The following MICU2 variants were observed in gnomAD, a reference collection of about 807,000 sequenced individuals.
MICU2 encodes the protein calcium uptake protein 2, mitochondrial.
MICU2 carries 64 observed loss-of-function variants against 60.4 expected under a neutral mutation model. The ratio of observed to expected loss-of-function variants is 1.06; its 90% CI spans 0.87 to 1.31. The LOEUF is 1.31. Among genes scored for constraint, MICU2 ranks in the 50% most tolerant of loss-of-function variants. The pLI, the probability that MICU2 is intolerant of heterozygous loss-of-function variation, is 0.00. For synonymous variants in MICU2, 201 were observed against 175.0 expected, an observed-to-expected ratio of 1.15 and a Z score of -1.17; for missense variants, 569 against 531.0, an observed-to-expected ratio of 1.07 and a Z score of -0.70.
intron 4 of MICU2, among the ~76,000 whole-genome samples, chr13:21,537,249 C>T (rs193279429): frequency 6.6e-6 from 1 of 152,300 alleles, no homozygotes; most frequent in Non-Finnish European, 1.5e-5. Context: ...GTGACTTCCT[C>T]CATTCTTCTG....
At chr13:21,535,221 T>C (rs1415004971) in intron 4 of MICU2, among the ~76,000 whole-genome samples, 3 of 152,336 alleles carry the variant, frequency 2.0e-5, no homozygotes, top group East Asian at 3.8e-4. Context: ...ATTATATTTA[T>C]GTAGAGTTTT....
chr13:21,540,962 AT>A, intron 2 of MICU2, among the ~76,000 whole-genome samples: 1 of 152,266 alleles, frequency 6.6e-6, no homozygotes, highest in Non-Finnish European at 1.5e-5. Context: ...GAAACTGATC[AT>A]TATTTCTATG....
chr13:21,588,105 G>A (rs929890170), intron 1 of MICU2, among the ~76,000 whole-genome samples: 9 of 152,066 alleles, frequency 5.9e-5, no homozygotes, highest in South Asian at 2.1e-4. Flanking sequence ...AACGTTCTGC[G>A]GACCACTAAA....
intron 8 of MICU2, 69 bp downstream of exon 8, chr13:21,509,935 A>G: frequency 1.2e-6 from 1 of 865,930 alleles, no homozygotes; most frequent in Non-Finnish European, 1.8e-6. Context: ...TAGAAAATGA[A>G]TATATTCTGT....
In MICU2 at chr13:21,505,529, T is replaced by C. The variant is rs138784567; in HGVS notation, c.762-2432A>G. On this transcript the variant is annotated intron_variant, in intron 8 of 11. Transcript: ENST00000382374. Reference sequence around the variant, plus strand: ...AATTAAATTACACTGTGGTTTTTACTTAAACGGTTAAGTGATATTTCAGCT... The same window carrying C: ...AATTAAATTACACTGTGGTTTTTACCTAAACGGTTAAGTGATATTTCAGCT... Among the ~76,000 whole-genome samples the C allele has an allele frequency of 4.0e-3, 615 of 152,328 alleles. 1 individual carries two copies. Among genetic ancestry groups the C allele is most frequent in the African/African-American group, 0.014 (588 of 41,574 alleles).
At chr13:21,555,473 C>T (rs1887684504) in intron 2 of MICU2, among the ~76,000 whole-genome samples, 1 of 152,184 alleles carries the variant, frequency 6.6e-6, no homozygotes, top group Admixed American at 6.5e-5. Context: ...TTCAACAATG[C>T]TTCATGCTAA....
rs535207380 is a variant in MICU2 at position 21,549,192 on chromosome 13, G to A, written c.359-9504C>T. On this transcript the variant is annotated intron_variant, in intron 2 of 11. Coordinates refer to ENST00000382374, the MANE Select transcript of MICU2 (RefSeq NM_152726.3). ...GATCCGCCCGCCTTGGCCTCCCAACGTGCTGGGATTACAGGCGTGAGCTAG... is the reference window on the plus strand; with the variant it reads ...GATCCGCCCGCCTTGGCCTCCCAACATGCTGGGATTACAGGCGTGAGCTAG... 8.0e-4 allele frequency among the ~76,000 whole-genome samples: 122 copies of A among 152,090 alleles called. 1 individual carries two copies. Among genetic ancestry groups the A allele is most frequent in the South Asian group, 5.0e-3 (24 of 4,816 alleles).
intron 2 of MICU2, among the ~76,000 whole-genome samples, chr13:21,558,512 G>A (rs1296464333): frequency 1.3e-5 from 2 of 152,094 alleles, no homozygotes; most frequent in African/African-American, 4.8e-5. Flanking sequence ...CAACCTCCAC[G>A]TGTTTTTGAG....
chr13:21,562,148 T>C (rs1468425735), intron 2 of MICU2, among the ~76,000 whole-genome samples: 1 of 151,988 alleles, frequency 6.6e-6, no homozygotes, highest in Non-Finnish European at 1.5e-5. Flanking sequence ...TCTTTGCTAT[T>C]GTGAATAGTG....
intron 1 of MICU2, among the ~76,000 whole-genome samples, chr13:21,571,411 T>C (rs77492884): frequency 0.018 from 2,810 of 152,088 alleles, 84 homozygotes; most frequent in African/African-American, 0.062. Flanking sequence ...AAAAAATCAA[T>C]ATTAGGCTGG....
intron 1 of MICU2, among the ~76,000 whole-genome samples, chr13:21,590,979 G>C (rs1238989717): frequency 2.0e-5 from 3 of 152,176 alleles, no homozygotes; most frequent in Non-Finnish European, 4.4e-5. Context: ...GCATCAACTA[G>C]TGTGCAAAAT....
At chr13:21,503,661 A>C (rs1198663028) in intron 8 of MICU2, among the ~76,000 whole-genome samples, 1 of 152,250 alleles carries the variant, frequency 6.6e-6, no homozygotes, top group Non-Finnish European at 1.5e-5. Flanking sequence ...TCTTACAAAA[A>C]CAACATGGTA....
At chr13:21,511,718 G>A (rs1264307856) in intron 7 of MICU2, among the ~76,000 whole-genome samples, 4 of 151,708 alleles carry the variant, frequency 2.6e-5, no homozygotes, top group South Asian at 4.2e-4. Context: ...TTTAGCCTCT[G>A]ACAACAATTA....
intron 4 of MICU2, among the ~76,000 whole-genome samples, chr13:21,536,324 C>CAATTTAAAAA (rs1304013146): frequency 7.5e-6 from 1 of 132,472 alleles, no homozygotes; most frequent in Non-Finnish European, 1.8e-5. Flanking sequence ...AACTTATTCT[C>CAATTTAAAAA]AATTTAAAAC....
intron 1 of MICU2, among the ~76,000 whole-genome samples, chr13:21,592,195 C>T (rs1024638938): frequency 4.6e-5 from 7 of 152,078 alleles, no homozygotes; most frequent in African/African-American, 1.7e-4. Flanking sequence ...ACCACTGACC[C>T]CACAGAAATA....
At chr13:21,512,491 A>G (rs1886457088) in intron 7 of MICU2, among the ~76,000 whole-genome samples, 1 of 130,368 alleles carries the variant, frequency 7.7e-6, no homozygotes, top group South Asian at 2.4e-4. Context: ...TCTGTTGCCC[A>G]GGCTGGAGTG....
rs35279335 is a variant in MICU2 at position 21,563,813 on chromosome 13, A to ATTTT, written c.358+2980_358+2983dup. 1.7e-3 allele frequency among the ~76,000 whole-genome samples: 240 copies of ATTTT among 143,546 alleles called. 1 individual carries two copies. Among genetic ancestry groups the ATTTT allele is most frequent in the South Asian group, 9.3e-3 (42 of 4,520 alleles). 94.2% of individuals were successfully genotyped at this position (143,546 alleles called of 152,430 possible). A position where few individuals can be genotyped will look rare whatever the true frequency, so the allele number is the denominator to read the frequency against. On this transcript the variant is annotated intron_variant, in intron 2 of 11. Transcript: ENST00000382374. ...TTACACTGATGGGCCCAACAAACAC[A>ATTTT]TTTTTTTTTTTTTTGAGTCAGGGTC...
At chr13:21,576,322 T>C (rs1469079497) in intron 1 of MICU2, among the ~76,000 whole-genome samples, 2 of 152,188 alleles carry the variant, frequency 1.3e-5, no homozygotes. Context: ...AAGGAACTTC[T>C]GTGATATAAG....
chr13:21,572,283 C>T (rs1053899642), intron 1 of MICU2, among the ~76,000 whole-genome samples: 22 of 152,138 alleles, frequency 1.4e-4, no homozygotes, highest in African/African-American at 4.3e-4. Context: ...AAGCTACAAA[C>T]GTATCTGTGG....
Sources: allele counts gnomAD v4.1 joint callset (sites outside exome capture counted in the v4.1 genomes callset), GRCh38; gene constraint gnomAD v4.1.1; transcripts MANE v1.5; gene names NCBI Gene and HGNC (gene_info 2026-07-23, HGNC 2026-07-21).